The following ZNF837 variants were observed in gnomAD, a reference collection of about 807,000 sequenced individuals.
ZNF837 encodes the protein zinc finger protein 837.
For missense variants in ZNF837, 955 were observed against 801.7 expected (o/e 1.19, Z -2.31); for synonymous variants, 475 against 365.2 (o/e 1.30, Z -3.43).
Position 58,368,784 on chromosome 19 carries a change from T to C in ZNF837, c.549A>G (p.Pro183=), listed in dbSNP as rs780021364. Residue 183 remains proline, a synonymous_variant, in exon 3 of 3, where the codon CCA becomes CCG. Transcript: ENST00000597582. ...GGTTCCTCCCGCGGGAGGTCGGCTT[T>C]GGGGTCCTCGGGCAGGTCGGAGCGC... ...GTGAPTCPRT[P]KPTSRGRNPL... 6.5e-7 allele frequency: 1 copy of C among 1,543,962 alleles called. No homozygotes were observed. Among genetic ancestry groups the C allele is most frequent in the South Asian group, 1.2e-5 (1 of 84,028 alleles).
rs1050551418 is a variant in ZNF837, at chr19:58,370,954, G to T, written c.-139-1026C>A. Among the ~76,000 whole-genome samples, 11 of 148,074 alleles carry T rather than the reference G, an allele frequency of 7.4e-5. No homozygotes were observed. The South Asian group carries it at 1.7e-3, about 23-fold the overall frequency. The stretch of plus-strand genomic sequence containing the variant: ...AGGGAGGGAGGGGTGAAGGCCGGGG[G>T]GGGGGAGCCGGGCGCGGTGGCTCAC... On this transcript the variant is annotated intron_variant, in intron 1 of 2. Transcript: ENST00000597582.
chr19:58,368,926 GC>G lies in ZNF837; in HGVS notation c.406del (p.Ala136ArgfsTer271). 1 of 1,545,792 alleles carries G rather than the reference GC, an allele frequency of 6.5e-7. No homozygotes were observed. Among genetic ancestry groups the G allele is most frequent in the Non-Finnish European group, 8.7e-7 (1 of 1,144,318 alleles). On this transcript the variant is annotated frameshift_variant, in exon 3 of 3. Transcript: ENST00000597582. LOFTEE classifies it low-confidence loss of function (END_TRUNC). Reference sequence around the variant, plus strand: ...CACGGGTGGCGTCTCCCCAGCGGGCGCCCCGCGATGCCACGCCAGGCAGGAG... The same window carrying G: ...CACGGGTGGCGTCTCCCCAGCGGGCGCCCGCGATGCCACGCCAGGCAGGAG... ...RNSCLAWHRG[A>X]PAGETPPVCD...
Position 58,368,706 on chromosome 19 carries a change from C to T in ZNF837, c.627G>A (p.Arg209=). 6.5e-7 allele frequency: 1 copy of T among 1,534,616 alleles called. No individual in the cohort carries two copies. Among genetic ancestry groups the T allele is most frequent in the South Asian group, 1.2e-5 (1 of 83,868 alleles). ...GCCTCTCCTGGGGGATCCGCAGGGCCCTCCACGCAAAGGCCTCGCCGCACG... is the reference window on the plus strand; with the variant it reads ...GCCTCTCCTGGGGGATCCGCAGGGCTCTCCACGCAAAGGCCTCGCCGCACG... ...ACACGEAFAW[R]ALRIPQERLQ... Residue 209 remains arginine (R), a synonymous_variant, in exon 3 of 3, where the codon AGG becomes AGA. Transcript: ENST00000597582.
intron 1 of ZNF837, among the ~76,000 whole-genome samples, chr19:58,376,935 T>C (rs112787357): frequency 3.0e-4 from 37 of 124,150 alleles, no homozygotes; most frequent in African/African-American, 1.1e-3. Flanking sequence ...AAAAAAAAAA[T>C]GGCCGGACGT....
rs1374640695 is a variant in ZNF837, at chr19:58,370,956, G to A, written c.-139-1028C>T. On this transcript the variant is annotated intron_variant, in intron 1 of 2. Transcript: ENST00000597582. ...GGAGGGAGGGGTGAAGGCCGGGGGG[G>A]GGGAGCCGGGCGCGGTGGCTCACGC... Among the ~76,000 whole-genome samples, 2 of 150,246 alleles carry A rather than the reference G, an allele frequency of 1.3e-5. 1 individual carries two copies. The highest frequency in any genetic ancestry group is 1.3e-4 in the Admixed American group (2 of 15,070).
At chr19:58,376,511 G>A (rs1341658461) in intron 1 of ZNF837, among the ~76,000 whole-genome samples, 1 of 115,374 alleles carries the variant, frequency 8.7e-6, no homozygotes, top group African/African-American at 3.4e-5. Flanking sequence ...GTCAAAATCA[G>A]GCCACTACAC....
In ZNF837 at chr19:58,367,935, C is replaced by A; in HGVS notation, c.1398G>T (p.Glu466Asp). 6.5e-7 allele frequency: 1 copy of A among 1,534,152 alleles called. No individual in the cohort carries two copies. Among genetic ancestry groups the A allele is most frequent in the Non-Finnish European group, 8.7e-7 (1 of 1,144,216 alleles). The change falls in exon 3 of 3, where the codon GAG becomes GAT. Residue 466 changes from glutamate (E) to aspartate (D), a missense_variant. Coordinates refer to ENST00000597582, the MANE Select transcript of ZNF837 (RefSeq NM_138466.2). ...FRGCSELRQH[E>D]RLHSGEKPYI... ...AGGGCTTCTCGCCCGAGTGCAGGCG[C>A]TCGTGCTGGCGCAGCTCGGAGCAGC...
Position 58,369,249 on chromosome 19 carries a change from C to A in ZNF837, c.84G>T (p.Arg28Ser). The stretch of plus-strand genomic sequence containing the variant: ...CTTCGAGGGGCCTCGGCTCCTCGGG[C>A]CTCTTCTCCCGGGCCCCGGAGGCAC... ...AQGASGAREKRPEEPRPLEED... is the reference protein window; with the variant it reads ...AQGASGAREKSPEEPRPLEED... The change falls in exon 3 of 3, where the codon AGG (arginine) becomes AGT (serine). Residue 28 changes from arginine to serine, a missense_variant. Transcript: ENST00000597582. 1 of 1,416,830 alleles carries A rather than the reference C, an allele frequency of 7.1e-7. No individual in the cohort carries two copies. The allele number at this position is 1,416,830 out of a possible 1,614,324, so 87.8% of individuals were successfully genotyped here. A position where few individuals can be genotyped will look rare whatever the true frequency, so the allele number is the denominator to read the frequency against.
Position 58,373,915 on chromosome 19 carries a change from G to C in ZNF837, c.-139-3987C>G, listed in dbSNP as rs73939634. Among the ~76,000 whole-genome samples the C allele has an allele frequency of 8.7e-3, 1,318 of 152,326 alleles. 16 individuals are homozygous for C. The highest frequency in any genetic ancestry group is 0.03 in the African/African-American group (1,236 of 41,582). ...AGGGGGCGGGACAAGATTTCAAAAA[G>C]CACCACTCATACACCCAGGACTGGC... On this transcript the variant is annotated intron_variant, in intron 1 of 2. Transcript: ENST00000597582.
At chr19:58,374,655 C>T (rs1405011757) in intron 1 of ZNF837, among the ~76,000 whole-genome samples, 1 of 152,096 alleles carries the variant, frequency 6.6e-6, no homozygotes, top group East Asian at 1.9e-4. Context: ...ATACTAAAAC[C>T]TGGCCAGGCG....
In ZNF837 at chr19:58,368,245, T is replaced by C; in HGVS notation, c.1088A>G (p.Tyr363Cys). The C allele has an allele frequency of 6.7e-7, 1 of 1,501,664 alleles. No homozygotes were observed. Among genetic ancestry groups the C allele is most frequent in the South Asian group, 1.3e-5 (1 of 77,962 alleles). 93.0% of individuals were successfully genotyped at this position (1,501,664 alleles called of 1,614,324 possible). A position where few individuals can be genotyped will look rare whatever the true frequency, so the allele number is the denominator to read the frequency against. The change falls in exon 3 of 3, where the codon TAC (tyrosine) becomes TGC (cysteine). Residue 363 changes from tyrosine to cysteine, a missense_variant. Tyr to Cys is a radical substitution (Grantham distance 194). Coordinates refer to ENST00000597582, the MANE Select transcript of ZNF837 (RefSeq NM_138466.2). ...RRGSGAGEKP[Y>C]ECADCAKAFG... is the part of the protein sequence containing the mutation. Reference sequence around the variant, plus strand: ...GGCCTTGGCGCAGTCGGCGCACTCGTACGGCTTCTCCCCGGCTCCCGACCC... The same window carrying C: ...GGCCTTGGCGCAGTCGGCGCACTCGCACGGCTTCTCCCCGGCTCCCGACCC...
chr19:58,367,713 G>A lies in ZNF837; in HGVS notation c.*24C>T, dbSNP rs779956563. 4 of 1,480,072 alleles carry A rather than the reference G, an allele frequency of 2.7e-6. No homozygotes were observed. The highest frequency in any genetic ancestry group is 2.7e-6 in the Non-Finnish European group (3 of 1,121,846). 91.7% of individuals were successfully genotyped at this position (1,480,072 alleles called of 1,614,324 possible). On this transcript the variant is annotated 3_prime_UTR_variant, in exon 3 of 3. Coordinates refer to ENST00000597582, the MANE Select transcript of ZNF837 (RefSeq NM_138466.2). ...TCGACGCAGGGTTCGCTTGGGCGAC[G>A]CGTCGACTCTCGGCTCCCTGCAGTC...
At position 58,368,925 on chromosome 19, in the gene ZNF837, C is replaced by A. The variant is rs1045055453; in HGVS notation, c.408G>T (p.Ala136=). 11 of 1,546,170 alleles carry A rather than the reference C, an allele frequency of 7.1e-6. No homozygotes were observed. The Admixed American group carries it at 1.2e-4, about 17-fold the overall frequency. ...ACACGGGTGGCGTCTCCCCAGCGGG[C>A]GCCCCGCGATGCCACGCCAGGCAGG... ...RNSCLAWHRG[A]PAGETPPVCD... Residue 136 remains alanine, a synonymous_variant, in exon 3 of 3, where the codon GCG becomes GCT. Transcript: ENST00000597582.
Position 58,368,061 on chromosome 19 carries a change from G to A in ZNF837, c.1272C>T (p.Cys424=). 2 of 1,543,192 alleles carry A rather than the reference G, an allele frequency of 1.3e-6. No homozygotes were observed. The highest frequency in any genetic ancestry group is 1.7e-6 in the Non-Finnish European group (2 of 1,147,938). ...SSAKPYACPL[C]EKAFKGRSGL... ...CCGAGCGGCCCTTGAAGGCCTTTTC[G>A]CACAGTGGGCACGCGTAGGGCTTGG... The change falls in exon 3 of 3, where the codon TGC becomes TGT. Residue 424 remains cysteine (C), a synonymous_variant. Transcript: ENST00000597582.
intron 1 of ZNF837, among the ~76,000 whole-genome samples, chr19:58,375,413 T>TTTGTTACA (rs2052237019): frequency 6.7e-6 from 1 of 148,258 alleles, no homozygotes; most frequent in Non-Finnish European, 1.5e-5. Context: ...AAATGGTTCA[T>TTTGTTACA]TTGTTACATG....
Position 58,368,588 on chromosome 19 carries a change from A to G in ZNF837, c.745T>C (p.Cys249Arg), listed in dbSNP as rs1402842455. Residue 249 changes from cysteine (C) to arginine (R), a missense_variant, in exon 3 of 3, where the codon TGT becomes CGT. By Grantham distance (180) the Cys-to-Arg change is radical. Transcript: ENST00000597582. Reference sequence around the variant, plus strand: ...CGCGAGGTTTGGCCGCACTCAGGACACACTGGGGGACTCTTGCCCGCCTGC... The same window carrying G: ...CGCGAGGTTTGGCCGCACTCAGGACGCACTGGGGGACTCTTGCCCGCCTGC... ...QQQAGKSPPV[C>R]PECGQTSRPR... is the part of the protein sequence containing the mutation. 9 of 1,535,572 alleles carry G rather than the reference A, an allele frequency of 5.9e-6. No homozygotes were observed. The highest frequency in any genetic ancestry group is 7.9e-6 in the Non-Finnish European group (9 of 1,144,788).
chr19:58,369,150 TG>T lies in ZNF837; in HGVS notation c.182del (p.Pro61GlnfsTer12). 6.9e-7 allele frequency: 1 copy of T among 1,454,506 alleles called. No individual in the cohort carries two copies. The highest frequency in any genetic ancestry group is 2.9e-5 in the Admixed American group (1 of 34,706). The allele number at this position is 1,454,506 out of a possible 1,614,324, so 90.1% of individuals were successfully genotyped here. On this transcript the variant is annotated frameshift_variant, in exon 3 of 3. Coordinates refer to ENST00000597582, the MANE Select transcript of ZNF837 (RefSeq NM_138466.2). LOFTEE classifies it low-confidence loss of function (END_TRUNC). Reference sequence around the variant, plus strand: ...GGCTGCAGCCCCGGGAGCCCCCGCCTGGGGGAGTCGTCCTACCGCCCGCCGC... The same window carrying T: ...GGCTGCAGCCCCGGGAGCCCCCGCCTGGGGAGTCGTCCTACCGCCCGCCGC... The part of the protein sequence containing the change: ...RGAAGGRTTP[P>X]GGGSRGCSLG...
At position 58,369,051 on chromosome 19, in the gene ZNF837, G is replaced by A. The variant is rs1005657288; in HGVS notation, c.282C>T (p.Pro94=). 7 of 1,514,056 alleles carry A rather than the reference G, an allele frequency of 4.6e-6. No individual in the cohort carries two copies. The highest frequency in any genetic ancestry group is 6.2e-6 in the Non-Finnish European group (7 of 1,130,262). 93.8% of individuals were successfully genotyped at this position (1,514,056 alleles called of 1,614,324 possible). ...CCAGCTCAGGGTTCTGAGAAGAGGTGGGGCCGCACGGCTCCCGCACGAGGG... is the reference window on the plus strand; with the variant it reads ...CCAGCTCAGGGTTCTGAGAAGAGGTAGGGCCGCACGGCTCCCGCACGAGGG... The part of the protein sequence containing the change: ...TRPLVREPCG[P]TSSQNPELVI... The change falls in exon 3 of 3, where the codon CCC becomes CCT. Residue 94 remains proline (P), a synonymous_variant. Coordinates refer to ENST00000597582, the MANE Select transcript of ZNF837 (RefSeq NM_138466.2).
chr19:58,374,408 G>A (rs2052224790), intron 1 of ZNF837, among the ~76,000 whole-genome samples: 1 of 152,128 alleles, frequency 6.6e-6, no homozygotes, highest in South Asian at 2.1e-4. Context: ...AGAAAACATG[G>A]AAAGTAAAAG....
Sources: gnomAD v4.1 joint callset for allele counts (sites outside exome capture counted in the v4.1 genomes callset) on GRCh38, gnomAD v4.1.1 for gene constraint, MANE v1.5 for transcripts, NCBI Gene and HGNC (gene_info 2026-07-23, HGNC 2026-07-21) for gene names.